HEPHL1: variants seen among roughly 807,000 people sequenced by gnomAD.
HEPHL1 encodes the protein ferroxidase HEPHL1.
Under a neutral mutation model 122.0 loss-of-function variants are expected in HEPHL1, and 123 were observed. That is an observed-to-expected ratio of 1.01 (90% CI 0.87 to 1.17). The LOEUF is 1.17. Ranked by LOEUF, HEPHL1 falls within the 50% of genes most tolerant of loss-of-function variation. HEPHL1 has a pLI of 0.00. For synonymous variants in HEPHL1, 527 were observed against 508.9 expected, an observed-to-expected ratio of 1.04 and a Z score of -0.48; for missense variants, 1,452 against 1,430.5, an observed-to-expected ratio of 1.01 and a Z score of -0.24.
At chr11:94,046,129 C>G (rs1329188048) in intron 2 of HEPHL1, among the ~76,000 whole-genome samples, 1 of 83,458 alleles carries the variant, frequency 1.2e-5, no homozygotes, top group African/African-American at 4.5e-5. Flanking sequence ...TAGTCTCACT[C>G]TGTTGCCCAG....
chr11:94,071,426 T>C (rs1329428184), intron 6 of HEPHL1, among the ~76,000 whole-genome samples: 1 of 152,172 alleles, frequency 6.6e-6, no homozygotes, highest in Non-Finnish European at 1.5e-5. Flanking sequence ...GTGTGAACCA[T>C]ATGTGAAAGA....
intron 10 of HEPHL1, among the ~76,000 whole-genome samples, chr11:94,082,985 A>T (rs1381224833): frequency 2.0e-5 from 3 of 151,902 alleles, no homozygotes; most frequent in African/African-American, 7.3e-5. Flanking sequence ...GCTACTCAGG[A>T]GGCTGAGGCA....
intron 13 of HEPHL1, 102 bp from the exon 14 acceptor site, chr11:94,101,093 T>C: frequency 7.4e-7 from 1 of 1,354,990 alleles, no homozygotes; most frequent in Non-Finnish European, 1.0e-6. Flanking sequence ...GAAAAACAAC[T>C]AAAGCCAAAC....
chr11:94,050,017 C>T (rs550512975), intron 2 of HEPHL1, among the ~76,000 whole-genome samples: 2 of 152,190 alleles, frequency 1.3e-5, no homozygotes, highest in South Asian at 4.1e-4. Context: ...TCTTTAATTT[C>T]TCTCAGTAAT....
intron 13 of HEPHL1, among the ~76,000 whole-genome samples, chr11:94,094,979 T>C (rs1788053781): frequency 6.6e-6 from 1 of 152,252 alleles, no homozygotes; most frequent in African/African-American, 2.4e-5. Context: ...TCTTTTGCTG[T>C]GCAGGAGCTC....
chr11:94,060,227 T>C (rs1312372159), intron 2 of HEPHL1, among the ~76,000 whole-genome samples: 2 of 150,206 alleles, frequency 1.3e-5, no homozygotes. Flanking sequence ...CAGCTTACAG[T>C]CTAACATGAG....
rs200031155 is a variant in HEPHL1 at position 94,064,357 on chromosome 11, C to T, written c.655C>T (p.Arg219Trp). 2.8e-4 allele frequency: 451 copies of T among 1,612,490 alleles called. 1 individual carries two copies. Among genetic ancestry groups the T allele is most frequent in the Middle Eastern group, 2.0e-3 (12 of 6,048 alleles). Residue 219 changes from arginine to tryptophan, a missense_variant, in exon 4 of 20, where the codon CGG (arginine) becomes TGG (tryptophan). Transcript: ENST00000315765. ...EGILNRYSGTRNDVDREFVIM... is the reference protein window; with the variant it reads ...EGILNRYSGTWNDVDREFVIM... ...TATCCTGAATAGATATTCAGGGACA[C>T]GGAATGATGTGGATCGAGAGTTTGT...
chr11:94,093,100 ATG>A (rs58076312), intron 12 of HEPHL1, among the ~76,000 whole-genome samples: 25,721 of 148,624 alleles, frequency 0.17, 2,299 homozygotes, highest in African/African-American at 0.23. Context: ...GTGGACGTGT[ATG>A]TGTGTGTGTG....
intron 1 of HEPHL1, among the ~76,000 whole-genome samples, chr11:94,043,149 C>T (rs1171513614): frequency 6.6e-6 from 1 of 151,446 alleles, no homozygotes; most frequent in African/African-American, 2.4e-5. Flanking sequence ...ATAGAAAGTA[C>T]AATAAAATAA....
At chr11:94,079,255 A>G (rs570962867) in intron 9 of HEPHL1, among the ~76,000 whole-genome samples, 11 of 152,296 alleles carry the variant, frequency 7.2e-5, no homozygotes, top group Admixed American at 2.0e-4. Flanking sequence ...GAGAGGATAA[A>G]TCACTTGCTC....
rs146912388 is a variant in HEPHL1 at position 94,103,793 on chromosome 11, T to C, written c.2683-735T>C. 2.8e-3 allele frequency among the ~76,000 whole-genome samples: 426 copies of C among 152,360 alleles called. 5 individuals carry two copies. The highest frequency in any genetic ancestry group is 9.6e-3 in the African/African-American group (399 of 41,590). On this transcript the variant is annotated intron_variant, in intron 15 of 19. Coordinates refer to ENST00000315765, the MANE Select transcript of HEPHL1 (RefSeq NM_001098672.2). ...GTATTAGATGGCTTGTATTAATGTC[T>C]TTGAGTTATACTGGACAGTTCTAGA...
chr11:94,099,557 T>TAGTA (rs1297370586), intron 13 of HEPHL1, among the ~76,000 whole-genome samples: 3 of 152,208 alleles, frequency 2.0e-5, no homozygotes, highest in Admixed American at 2.0e-4. Context: ...CAGGGACATT[T>TAGTA]ACGTCTGCAG....
At chr11:94,058,871 G>C (rs918771353) in intron 2 of HEPHL1, among the ~76,000 whole-genome samples, 37 of 152,130 alleles carry the variant, frequency 2.4e-4, no homozygotes, top group African/African-American at 8.4e-4. Context: ...ACCTGGCCTG[G>C]TTTTTGCTTT....
intron 1 of HEPHL1, among the ~76,000 whole-genome samples, chr11:94,027,887 A>G (rs1416529630): frequency 6.6e-6 from 1 of 152,234 alleles, no homozygotes; most frequent in Admixed American, 6.5e-5. Flanking sequence ...TTAATCTAAT[A>G]GGGAGGGTGC....
At chr11:94,027,725 CTCA>C (rs1189255802) in intron 1 of HEPHL1, among the ~76,000 whole-genome samples, 2 of 152,210 alleles carry the variant, frequency 1.3e-5, no homozygotes, top group Admixed American at 1.3e-4. Context: ...TTCATTCCCC[CTCA>C]TCATGCCATT....
At chr11:94,102,490 G>T (rs1946375492) in intron 14 of HEPHL1, among the ~76,000 whole-genome samples, 1 of 152,174 alleles carries the variant, frequency 6.6e-6, no homozygotes, top group South Asian at 2.1e-4. Flanking sequence ...TGATTTCACT[G>T]TCTGGGGTGA....
At chr11:94,022,213 T>C (rs1378015752) in intron 1 of HEPHL1, among the ~76,000 whole-genome samples, 3 of 152,298 alleles carry the variant, frequency 2.0e-5, no homozygotes, top group African/African-American at 7.2e-5. Context: ...AATAACCCTT[T>C]CTCCCTGCCC....
chr11:94,043,663 G>A (rs1424511141), intron 1 of HEPHL1, among the ~76,000 whole-genome samples: 3 of 152,194 alleles, frequency 2.0e-5, no homozygotes, highest in African/African-American at 2.4e-5. Context: ...TGTGTGTGCC[G>A]AGTTGCCAAA....
chr11:94,072,373 CA>C (rs1157974589), intron 6 of HEPHL1, among the ~76,000 whole-genome samples: 1 of 151,328 alleles, frequency 6.6e-6, no homozygotes, highest in Non-Finnish European at 1.5e-5. Flanking sequence ...GGAAGAGTGC[CA>C]AAAAATTTTA....
Sources: gnomAD v4.1 joint callset for allele counts (sites outside exome capture counted in the v4.1 genomes callset) on GRCh38, gnomAD v4.1.1 for gene constraint, MANE v1.5 for transcripts, NCBI Gene and HGNC (gene_info 2026-07-23, HGNC 2026-07-21) for gene names.